The following SHANK2 variants were observed in gnomAD, a reference collection of about 807,000 sequenced individuals.
SHANK2 encodes the protein SH3 and multiple ankyrin repeat domains protein 2.
Under a neutral mutation model 133.7 loss-of-function variants are expected in SHANK2, and 43 were observed. The observed-to-expected ratio is 0.32, with a 90% CI of 0.25 to 0.41. The LOEUF (loss-of-function observed/expected upper bound fraction) is 0.41. SHANK2 is among the 10% of genes least tolerant of loss of function. SHANK2 has a pLI of 1.00. For missense variants in SHANK2, 1,994 were observed against 2,235.8 expected (o/e 0.89, Z 2.18); for synonymous variants, 1,017 against 952.8 (o/e 1.07, Z -1.24).
chr11:70,518,440 C>CAA (rs2059292086), intron 17 of SHANK2, among the ~76,000 whole-genome samples: 1 of 152,220 alleles, frequency 6.6e-6, no homozygotes, highest in African/African-American at 2.4e-5. Context: ...TGAGGCACCG[C>CAA]GTCATGGCTC....
intron 1 of SHANK2, among the ~76,000 whole-genome samples, chr11:71,238,018 C>A (rs1555123947): frequency 6.6e-6 from 1 of 152,228 alleles, no homozygotes. Flanking sequence ...TGTCCCCAGG[C>A]CCTGCATACA....
At chr11:70,601,129 G>C (rs1554990997) in intron 17 of SHANK2, among the ~76,000 whole-genome samples, 1 of 152,034 alleles carries the variant, frequency 6.6e-6, no homozygotes, top group Non-Finnish European at 1.5e-5. Flanking sequence ...TCAGCTCACG[G>C]CAATCTCCAC....
At chr11:70,758,987 T>G (rs1946930993) in intron 14 of SHANK2, among the ~76,000 whole-genome samples, 1 of 150,510 alleles carries the variant, frequency 6.6e-6, no homozygotes, top group African/African-American at 2.5e-5. Context: ...GGTGAAACTC[T>G]GTCTCCACTA....
At chr11:70,605,369 G>A (rs1305811780) in intron 17 of SHANK2, among the ~76,000 whole-genome samples, 1 of 152,230 alleles carries the variant, frequency 6.6e-6, no homozygotes, top group East Asian at 1.9e-4. Context: ...GTGAGCCCGC[G>A]ACAGGCGCAC....
chr11:70,852,505 C>A (rs1949101565), intron 11 of SHANK2, among the ~76,000 whole-genome samples: 1 of 152,176 alleles, frequency 6.6e-6, no homozygotes, highest in Non-Finnish European at 1.5e-5. Context: ...CCACAGTCTG[C>A]ACTCCACGAA....
chr11:70,799,658 T>C (rs556544001), intron 13 of SHANK2, among the ~76,000 whole-genome samples: 1 of 152,182 alleles, frequency 6.6e-6, no homozygotes, highest in African/African-American at 2.4e-5. Flanking sequence ...AAGAAGCCAA[T>C]TCCCCAGGAG....
chr11:70,848,454 G>A (rs1046686020), intron 11 of SHANK2, among the ~76,000 whole-genome samples: 4 of 152,200 alleles, frequency 2.6e-5, no homozygotes, highest in African/African-American at 9.7e-5. Flanking sequence ...GTGCAAAATA[G>A]GTTCTACAGT....
At chr11:70,884,577 G>A (rs1470590619) in intron 11 of SHANK2, among the ~76,000 whole-genome samples, 3 of 152,194 alleles carry the variant, frequency 2.0e-5, no homozygotes, top group African/African-American at 7.2e-5. Flanking sequence ...CATGGTGACC[G>A]GATTGGAAGG....
intron 17 of SHANK2, among the ~76,000 whole-genome samples, chr11:70,616,319 T>G (rs574273933): frequency 9.2e-5 from 14 of 151,908 alleles, no homozygotes; most frequent in African/African-American, 3.4e-4. Context: ...GACCCCACAC[T>G]GGGCTGTCGG....
At chr11:71,248,227 G>C (rs1954988581) in intron 1 of SHANK2, among the ~76,000 whole-genome samples, 1 of 152,262 alleles carries the variant, frequency 6.6e-6, no homozygotes, top group Admixed American at 6.5e-5. Flanking sequence ...CATGGCCAAG[G>C]AGACAGCCGT....
chr11:71,097,517 C>T (rs538557058), intron 6 of SHANK2, among the ~76,000 whole-genome samples: 8 of 152,350 alleles, frequency 5.3e-5, no homozygotes, highest in African/African-American at 1.4e-4. Context: ...AGAGTGGCCC[C>T]AGTCTCCCTC....
chr11:70,658,401 C>T (rs1456876674), intron 17 of SHANK2, among the ~76,000 whole-genome samples: 3 of 152,242 alleles, frequency 2.0e-5, no homozygotes, highest in Admixed American at 6.5e-5. Flanking sequence ...GGTTACAAAT[C>T]GAGTTAGCCC....
At chr11:71,202,329 A>T (rs1277977650) in intron 2 of SHANK2, among the ~76,000 whole-genome samples, 1 of 152,194 alleles carries the variant, frequency 6.6e-6, no homozygotes, top group Non-Finnish European at 1.5e-5. Context: ...GCACAGCAGC[A>T]CAGAGGGCAC....
At chr11:70,890,481 AAAAAAAC>A (rs1480470503) in intron 11 of SHANK2, among the ~76,000 whole-genome samples, 2 of 20,828 alleles carry the variant, frequency 9.6e-5, no homozygotes, top group African/African-American at 1.3e-4. Flanking sequence ...TCTACTAAAA[AAAAAAAC>A]AAAAAAAACA....
intron 2 of SHANK2, among the ~76,000 whole-genome samples, chr11:71,215,508 G>C (rs550461083): frequency 2.0e-4 from 30 of 152,322 alleles, no homozygotes; most frequent in African/African-American, 6.7e-4. Flanking sequence ...CCCCCTGAGC[G>C]AACGTGAGGT....
At position 71,094,738 on chromosome 11, in the gene SHANK2, T is replaced by C. The variant is rs538511560; in HGVS notation, c.593-50A>G. ...TTAGAACCAACATTTGTCACACTGC[T>C]CACAAAGCCATATTCAGATGCCCAA... On this transcript the variant is annotated intron_variant, in intron 6 of 25. Coordinates refer to ENST00000601538, the MANE Select transcript of SHANK2 (RefSeq NM_012309.5). 4.6e-6 allele frequency: 7 copies of C among 1,529,980 alleles called. 1 individual carries two copies. In the East Asian group the frequency reaches 9.9e-5, roughly 22 times the overall value. 94.8% of individuals were successfully genotyped at this position (1,529,980 alleles called of 1,614,324 possible). A position where few individuals can be genotyped will look rare whatever the true frequency, so the allele number is the denominator to read the frequency against.
At chr11:71,077,994 G>C (rs962317766) in intron 8 of SHANK2, among the ~76,000 whole-genome samples, 1 of 151,978 alleles carries the variant, frequency 6.6e-6, no homozygotes, top group Admixed American at 6.6e-5. Flanking sequence ...TACTGAGAGG[G>C]TGCAGGACCA....
chr11:70,641,084 TTTTTCTTTTTTTC>T (rs1387928730), intron 17 of SHANK2, among the ~76,000 whole-genome samples: 1 of 147,464 alleles, frequency 6.8e-6, no homozygotes, highest in African/African-American at 2.5e-5. Context: ...ACTATGCTTT[TTTTTCTTTTTTTC>T]TTTTCTTTTT....
intron 12 of SHANK2, among the ~76,000 whole-genome samples, chr11:70,819,239 T>C (rs116813023): frequency 0.026 from 4,020 of 152,348 alleles, 180 homozygotes; most frequent in African/African-American, 0.092. Flanking sequence ...GCCAGGGGCC[T>C]GTGCCGAGTC....
Sources: allele counts gnomAD v4.1 joint callset (sites outside exome capture counted in the v4.1 genomes callset), GRCh38; gene constraint gnomAD v4.1.1; transcripts MANE v1.5; gene names NCBI Gene and HGNC (gene_info 2026-07-23, HGNC 2026-07-21).